Variants in RERE observed in about 807,000 individuals in gnomAD.
RERE encodes arginine-glutamic acid dipeptide repeats protein.
Under a neutral mutation model 146.1 loss-of-function variants are expected in RERE, and 40 were observed. The ratio of observed to expected loss-of-function variants is 0.27; its 90% CI spans 0.21 to 0.36. The LOEUF is 0.36. RERE is among the 10% of genes least tolerant of loss of function. The probability of loss-of-function intolerance (pLI) is 1.00; values close to 1 mark genes in which losing one functional copy is unlikely to be tolerated. For synonymous variants in RERE, 1,003 were observed against 866.0 expected (o/e 1.16, Z -2.78); for missense variants, 1,933 against 2,138.7 (o/e 0.90, Z 1.90).
At position 8,361,100 on chromosome 1, in the gene RERE, C is replaced by A; in HGVS notation, c.2407G>T (p.Ala803Ser). The change falls in exon 18 of 23, where the codon GCA becomes TCA. Residue 803 changes from alanine (A) to serine (S), a missense_variant. Physicochemically the swap from Ala to Ser is moderately conservative, Grantham distance 99. This residue lies in a region of RERE where 1,255 missense variants were observed against 1,153.8 expected (regional missense o/e 1.09). Transcript: ENST00000400908. ...APVPHTHIQQ[A>S]PALHPQRPPS... is the part of the protein sequence containing the mutation. ...GGCCGCTGGGGGTGCAAGGCCGGTG[C>A]CTGTTGGATGTGGGTGTGGGGAACA... The A allele has an allele frequency of 1.4e-6, 2 of 1,440,106 alleles. No homozygotes were observed. Among genetic ancestry groups the A allele is most frequent in the South Asian group, 2.9e-5 (2 of 68,078 alleles). The allele number at this position is 1,440,106 out of a possible 1,614,324, so 89.2% of individuals were successfully genotyped here. A position where few individuals can be genotyped will look rare whatever the true frequency, so the allele number is the denominator to read the frequency against.
At chr1:8,362,525 G>A (rs933016080) in intron 16 of RERE, among the ~76,000 whole-genome samples, 158 bp downstream of exon 16, 1 of 152,126 alleles carries the variant, frequency 6.6e-6, no homozygotes, top group Non-Finnish European at 1.5e-5. Flanking sequence ...CCCAGCCTTC[G>A]GTCTGCAGCC....
chr1:8,753,925 TTGTC>T (rs1640586890), intron 1 of RERE: 1 of 152,230 alleles, frequency 6.6e-6, no homozygotes, highest in South Asian at 2.1e-4. Context: ...ACAGGGCAAT[TTGTC>T]TGTTTGTGCA....
chr1:8,785,257 T>C (rs1276411760), intron 1 of RERE, among the ~76,000 whole-genome samples: 2 of 152,280 alleles, frequency 1.3e-5, no homozygotes, highest in Non-Finnish European at 1.5e-5. Context: ...TTAATGGATT[T>C]TGATAACAGC....
intron 11 of RERE, among the ~76,000 whole-genome samples, chr1:8,445,115 G>T (rs947369998): frequency 3.3e-5 from 5 of 152,132 alleles, no homozygotes; most frequent in African/African-American, 9.7e-5. Flanking sequence ...TCTTTTAGGG[G>T]CTTCATAGGG....
chr1:8,360,135 G>A lies in RERE; in HGVS notation c.3372C>T (p.Pro1124=), dbSNP rs1248745446. 1 of 1,587,674 alleles carries A rather than the reference G, an allele frequency of 6.3e-7. No individual in the cohort carries two copies. The highest frequency in any genetic ancestry group is 8.6e-7 in the Non-Finnish European group (1 of 1,165,700). ...PSPEPTVVDT[P]SHASQSARFY... is the part of the protein sequence containing the mutation. The stretch of plus-strand genomic sequence containing the variant: ...ACCTAGCTGACTGGCTGGCGTGACT[G>A]GGGGTGTCCACCACAGTGGGCTCCG... The change falls in exon 18 of 23, where the codon CCC becomes CCT. Residue 1124 remains proline, a synonymous_variant. Coordinates refer to ENST00000400908, the MANE Select transcript of RERE (RefSeq NM_001042681.2).
Position 8,806,494 on chromosome 1 carries a change from T to C in RERE, c.-145+10666A>G, listed in dbSNP as rs543282252. 2.0e-5 allele frequency among the ~76,000 whole-genome samples: 3 copies of C among 152,186 alleles called. No individual in the cohort carries two copies. In the South Asian group the frequency reaches 6.2e-4, roughly 32 times the overall value. ...TGCAGTGAGCTGAGATCGTCCAGCT[T>C]GGTGACAGAGGGAGACTCCATCTCA... On this transcript the variant is annotated intron_variant, in intron 1 of 22. Transcript: ENST00000400908.
intron 1 of RERE, among the ~76,000 whole-genome samples, chr1:8,664,335 T>C (rs770122874): frequency 1.3e-5 from 2 of 152,096 alleles, no homozygotes; most frequent in African/African-American, 2.4e-5. Flanking sequence ...GTGTAGAAGT[T>C]CTGTTGGGGC....
intron 3 of RERE, among the ~76,000 whole-genome samples, chr1:8,621,403 C>T (rs567893832): frequency 1.7e-4 from 26 of 152,134 alleles, no homozygotes; most frequent in Non-Finnish European, 2.6e-4. Context: ...CGGTGACTGG[C>T]GGTAGATGTC....
At chr1:8,564,818 GTGTGTATATGTGTA>G (rs1273942121) in intron 4 of RERE, among the ~76,000 whole-genome samples, 1 of 124,106 alleles carries the variant, frequency 8.1e-6, no homozygotes, top group African/African-American at 3.4e-5. Context: ...GTATGTATGT[GTGTGTATATGTGTA>G]TGTGTGTGTG....
chr1:8,695,523 G>T (rs1053372784), intron 1 of RERE, among the ~76,000 whole-genome samples: 1 of 149,580 alleles, frequency 6.7e-6, no homozygotes, highest in African/African-American at 2.5e-5. Context: ...GCCCAGGGGG[G>T]CGGATCACCT....
intron 1 of RERE, among the ~76,000 whole-genome samples, chr1:8,721,041 G>A (rs942854844): frequency 4.6e-5 from 7 of 152,010 alleles, no homozygotes; most frequent in Non-Finnish European, 7.4e-5. Flanking sequence ...GTGACAGAGC[G>A]AGACTCTATC....
intron 1 of RERE, among the ~76,000 whole-genome samples, chr1:8,762,389 T>A (rs1640771522): frequency 6.6e-6 from 1 of 152,106 alleles, no homozygotes; most frequent in South Asian, 2.1e-4. Context: ...AATGAAAAAA[T>A]TACAAATCAG....
At chr1:8,775,716 C>T (rs1641051275) in intron 1 of RERE, among the ~76,000 whole-genome samples, 1 of 152,006 alleles carries the variant, frequency 6.6e-6, no homozygotes, top group Admixed American at 6.6e-5. Flanking sequence ...AACATAAAAA[C>T]AAAAAATAAA....
chr1:8,700,582 G>T (rs1160243946), intron 1 of RERE, among the ~76,000 whole-genome samples: 1 of 152,148 alleles, frequency 6.6e-6, no homozygotes, highest in African/African-American at 2.4e-5. Flanking sequence ...CCCAGCCCAT[G>T]GCCAAACTGC....
intron 12 of RERE, among the ~76,000 whole-genome samples, chr1:8,412,577 C>CT (rs1264885793): frequency 6.6e-6 from 1 of 152,180 alleles, no homozygotes; most frequent in Non-Finnish European, 1.5e-5. Flanking sequence ...TTGCAATTGG[C>CT]TAATGGCTTA....
chr1:8,692,409 G>A (rs1639226617), intron 1 of RERE, among the ~76,000 whole-genome samples: 1 of 150,436 alleles, frequency 6.6e-6, no homozygotes, highest in Admixed American at 6.6e-5. Context: ...GTGCAGTGGT[G>A]TGATCTCAGC....
intron 1 of RERE, among the ~76,000 whole-genome samples, chr1:8,784,541 C>T (rs4908514): frequency 0.8 from 121,108 of 152,074 alleles, 48,584 homozygotes; most frequent in East Asian, 0.95. Flanking sequence ...GTTCAATAAA[C>T]ACACGCTGAA....
At chr1:8,582,657 G>T (rs1646382124) in intron 4 of RERE, among the ~76,000 whole-genome samples, 1 of 152,116 alleles carries the variant, frequency 6.6e-6, no homozygotes. Flanking sequence ...GGAGGCAGAG[G>T]TTGCAGTGAG....
At chr1:8,726,147 CTTTT>C (rs70985511) in intron 1 of RERE, among the ~76,000 whole-genome samples, 35 of 69,396 alleles carry the variant, frequency 5.0e-4, no homozygotes, top group African/African-American at 2.1e-3. Context: ...TTTTTCTTTT[CTTTT>C]TTTTTTTTTT....
Sources: allele counts gnomAD v4.1 joint callset (sites outside exome capture counted in the v4.1 genomes callset), GRCh38; gene constraint gnomAD v4.1.1; regional missense constraint gnomAD v4.1.1; transcripts MANE v1.5; gene names NCBI Gene and HGNC (gene_info 2026-07-23, HGNC 2026-07-21).